DESI2: variants seen among roughly 807,000 people sequenced by gnomAD.
The protein encoded by DESI2 is deubiquitinase DESI2.
A neutral mutation model predicts 24.1 loss-of-function variants in DESI2; 10 were observed. The observed-to-expected ratio is 0.41, with a 90% CI of 0.26 to 0.70. The LOEUF (loss-of-function observed/expected upper bound fraction) is 0.70, where lower values mean the gene tolerates loss of function less well. Among genes scored for constraint, DESI2 ranks in the 30% least tolerant of loss-of-function variants. DESI2 has a pLI of 0.29. For missense variants in DESI2, 122 were observed against 234.9 expected (o/e 0.52, Z 3.14); for synonymous variants, 71 against 87.7 (o/e 0.81, Z 1.06).
intron 1 of DESI2, among the ~76,000 whole-genome samples, chr1:244,680,240 G>A (rs997741054): frequency 2.6e-5 from 4 of 152,084 alleles, no homozygotes; most frequent in African/African-American, 9.7e-5. Flanking sequence ...TTGAGCCTAG[G>A]AGTTCGAGAC....
At chr1:244,692,629 G>A (rs747584486) in intron 4 of DESI2, among the ~76,000 whole-genome samples, 27 of 152,186 alleles carry the variant, frequency 1.8e-4, no homozygotes, top group Admixed American at 9.2e-4. Context: ...CAGTGGCAGC[G>A]TCCAGGTGCC....
intron 1 of DESI2, among the ~76,000 whole-genome samples, chr1:244,675,309 ATTT>A (rs1174163335): frequency 6.6e-6 from 1 of 151,656 alleles, no homozygotes. Context: ...GCTTTCATCA[ATTT>A]TTTTCTTTTG....
intron 4 of DESI2, among the ~76,000 whole-genome samples, chr1:244,697,795 A>AG (rs1002280800): frequency 2.0e-5 from 3 of 152,102 alleles, no homozygotes; most frequent in African/African-American, 7.2e-5. Context: ...AAATTCCCAA[A>AG]GATGAGCTTT....
At chr1:244,672,855 T>A (rs1203596102) in intron 1 of DESI2, among the ~76,000 whole-genome samples, 1 of 147,960 alleles carries the variant, frequency 6.8e-6, no homozygotes, top group African/African-American at 2.5e-5. Context: ...CCAGCCTGGG[T>A]GACAGCGAGA....
In DESI2 at chr1:244,689,137, CTG is replaced by C; in HGVS notation, c.116-111_116-110del. On this transcript the variant is annotated intron_variant, in intron 2 of 4. Coordinates refer to ENST00000302550, the MANE Select transcript of DESI2 (RefSeq NM_016076.5). This position sits in a 1 kb window ranked among gnomAD's most constrained non-coding sequence, Gnocchi z 4.0. Reference sequence around the variant, plus strand: ...GATATTTGTGAAAGCATTTTATAAACTGAAAAATATTTAGATGGTGTCACTGT... The same window carrying C: ...GATATTTGTGAAAGCATTTTATAAACAAAAATATTTAGATGGTGTCACTGT... 1.6e-6 allele frequency: 1 copy of C among 644,780 alleles called. No individual in the cohort carries two copies. The highest frequency in any genetic ancestry group is 2.8e-6 in the Non-Finnish European group (1 of 359,240). The allele number at this position is 644,780 out of a possible 1,614,324, so 39.9% of individuals were successfully genotyped here.
chr1:244,699,844 C>G (rs1183985669), intron 4 of DESI2, among the ~76,000 whole-genome samples: 1 of 152,166 alleles, frequency 6.6e-6, no homozygotes, highest in Non-Finnish European at 1.5e-5. Context: ...TAAAAACTTC[C>G]ATGCTACCTT....
At chr1:244,703,194 G>A (rs1422336475) in intron 4 of DESI2, among the ~76,000 whole-genome samples, 1 of 151,834 alleles carries the variant, frequency 6.6e-6, no homozygotes, top group African/African-American at 2.4e-5. Flanking sequence ...TAGAGATGAG[G>A]TTTCACTATG....
intron 1 of DESI2, among the ~76,000 whole-genome samples, chr1:244,680,429 CAA>C (rs113349044): frequency 6.7e-5 from 9 of 135,076 alleles, no homozygotes; most frequent in East Asian, 2.1e-4. Flanking sequence ...AACCCTGTCT[CAA>C]AAAAAAAAAA....
At position 244,670,491 on chromosome 1, in the gene DESI2, G is replaced by A. The variant is rs867606618; in HGVS notation, c.43-16106G>A. ...AGGATCTTATTGCCAATAAATACGCGTTCTGGCTACAACTAACACTCATAA... is the reference window on the plus strand; with the variant it reads ...AGGATCTTATTGCCAATAAATACGCATTCTGGCTACAACTAACACTCATAA... On this transcript the variant is annotated intron_variant, in intron 1 of 4. Transcript: ENST00000302550. 7.9e-5 allele frequency among the ~76,000 whole-genome samples: 12 copies of A among 152,294 alleles called. No homozygotes were observed. In the East Asian group the frequency reaches 1.9e-3, roughly 24 times the overall value.
At chr1:244,666,490 T>C (rs1347912064) in intron 1 of DESI2, among the ~76,000 whole-genome samples, 1 of 152,216 alleles carries the variant, frequency 6.6e-6, no homozygotes, top group Non-Finnish European at 1.5e-5. Context: ...ATTAGTGATA[T>C]ACTTTAATAT....
At chr1:244,672,747 T>C (rs1358564151) in intron 1 of DESI2, among the ~76,000 whole-genome samples, 1 of 151,956 alleles carries the variant, frequency 6.6e-6, no homozygotes, top group Non-Finnish European at 1.5e-5. Context: ...CATGGTGGCA[T>C]ATGCCTGTAA....
intron 1 of DESI2, among the ~76,000 whole-genome samples, chr1:244,675,091 G>A (rs898275514): frequency 3.9e-5 from 6 of 152,028 alleles, no homozygotes; most frequent in African/African-American, 7.2e-5. Flanking sequence ...TTTAATTTGC[G>A]TATCTTCTTA....
chr1:244,661,858 C>T (rs1375761269), intron 1 of DESI2, among the ~76,000 whole-genome samples: 19 of 152,074 alleles, frequency 1.2e-4, no homozygotes, highest in Admixed American at 7.2e-4. Context: ...TGAATAGTGC[C>T]GCAGTAAACA....
At chr1:244,663,042 G>A (rs1675901186) in intron 1 of DESI2, among the ~76,000 whole-genome samples, 1 of 152,132 alleles carries the variant, frequency 6.6e-6, no homozygotes, top group Non-Finnish European at 1.5e-5. Flanking sequence ...TAACTAGAAA[G>A]GGAGTTAGAT....
At chr1:244,692,138 A>ACC in intron 4 of DESI2, 118 bp downstream of exon 4, 1 of 903,672 alleles carries the variant, frequency 1.1e-6, no homozygotes. Flanking sequence ...TGTTGTATGA[A>ACC]ATATGGTATT....
chr1:244,690,297 C>T (rs929983299), intron 3 of DESI2, among the ~76,000 whole-genome samples: 1 of 152,168 alleles, frequency 6.6e-6, no homozygotes, highest in Non-Finnish European at 1.5e-5. Context: ...TCAGTTCCCA[C>T]CTATGAGTGA....
At chr1:244,682,936 G>C (rs1255518153) in intron 1 of DESI2, among the ~76,000 whole-genome samples, 4 of 152,142 alleles carry the variant, frequency 2.6e-5, no homozygotes. Flanking sequence ...TAGGTAGAGG[G>C]GCCATGGCAA....
intron 2 of DESI2, among the ~76,000 whole-genome samples, chr1:244,686,936 T>G (rs1312829671): frequency 6.6e-6 from 1 of 152,188 alleles, no homozygotes; most frequent in Non-Finnish European, 1.5e-5. Context: ...TTTTAAAAAA[T>G]ATTTTCCTTT....
intron 4 of DESI2, among the ~76,000 whole-genome samples, chr1:244,703,789 G>T (rs1038797128): frequency 5.3e-5 from 8 of 151,876 alleles, no homozygotes; most frequent in African/African-American, 9.7e-5. Flanking sequence ...CTCCCGAGTA[G>T]CTGGGACTAC....
Sources: allele counts gnomAD v4.1 joint callset (sites outside exome capture counted in the v4.1 genomes callset), GRCh38; gene constraint gnomAD v4.1.1; non-coding constraint Gnocchi (gnomAD v3.1); transcripts MANE v1.5; gene names NCBI Gene and HGNC (gene_info 2026-07-23, HGNC 2026-07-21).